The following TRIM9 variants were observed in gnomAD, a reference collection of about 807,000 sequenced individuals.
TRIM9 encodes tripartite motif containing 9.
In TRIM9, 26 loss-of-function variants were observed where a neutral mutation model predicts 78.3. The observed-to-expected ratio is 0.33, with a 90% confidence interval of 0.24 to 0.46. The LOEUF (loss-of-function observed/expected upper bound fraction) is 0.46, where lower values mean the gene tolerates loss of function less well. TRIM9 is among the 20% of genes least tolerant of loss of function. The pLI, the probability that TRIM9 is intolerant of heterozygous loss-of-function variation, is 1.00. For missense variants in TRIM9, 787 were observed against 1,036.4 expected (o/e 0.76, Z 3.30); for synonymous variants, 398 against 416.5 (o/e 0.96, Z 0.54).
chr14:51,008,622 T>A (rs1381201068), intron 5 of TRIM9, among the ~76,000 whole-genome samples: 2 of 152,248 alleles, frequency 1.3e-5, no homozygotes, highest in East Asian at 3.8e-4. Flanking sequence ...CTTGCATTTT[T>A]CTGCCAGTAT....
chr14:51,000,970 C>G (rs938243478), intron 5 of TRIM9, 130 bp from the exon 6 acceptor site: 6 of 1,069,312 alleles, frequency 5.6e-6, no homozygotes, highest in Middle Eastern at 2.8e-4. Flanking sequence ...GGGAACTGAA[C>G]AGGATCCTTC....
chr14:51,072,858 T>C (rs552824244), intron 1 of TRIM9, among the ~76,000 whole-genome samples: 1 of 152,328 alleles, frequency 6.6e-6, no homozygotes, highest in African/African-American at 2.4e-5. Flanking sequence ...ATGTACCGTG[T>C]AGGAGATGAT....
intron 1 of TRIM9, among the ~76,000 whole-genome samples, chr14:51,083,913 T>C (rs2063533686): frequency 6.6e-6 from 1 of 152,200 alleles, no homozygotes; most frequent in South Asian, 2.1e-4. Context: ...GCTATATGAT[T>C]CTAGGCCATC....
chr14:50,977,378 G>C (rs1294460699), intron 12 of TRIM9, 25 bp from the exon 13 acceptor site: 7 of 1,498,314 alleles, frequency 4.7e-6, no homozygotes, highest in Non-Finnish European at 8.9e-7. Flanking sequence ...TGTGAGTCCT[G>C]AGAGGCATCG....
intron 3 of TRIM9, among the ~76,000 whole-genome samples, chr14:51,015,505 CTTTTTTTTTTTTT>C (rs369652663): frequency 4.4e-4 from 27 of 61,330 alleles, no homozygotes; most frequent in African/African-American, 1.5e-3. Flanking sequence ...CTTTACTTTT[CTTTTTTTTTTTTT>C]TTTTTTTTTT....
chr14:51,060,434 T>G (rs768528776), intron 1 of TRIM9, among the ~76,000 whole-genome samples: 1 of 152,188 alleles, frequency 6.6e-6, no homozygotes, highest in Non-Finnish European at 1.5e-5. Context: ...CATAATGTAT[T>G]TGAGACTCAT....
At chr14:51,077,939 C>G (rs906901332) in intron 1 of TRIM9, among the ~76,000 whole-genome samples, 1 of 152,190 alleles carries the variant, frequency 6.6e-6, no homozygotes, top group Non-Finnish European at 1.5e-5. Flanking sequence ...CATATAAAAG[C>G]GTTTTGGTTA....
At chr14:51,054,423 C>G (rs2060718129) in intron 1 of TRIM9, among the ~76,000 whole-genome samples, 1 of 140,184 alleles carries the variant, frequency 7.1e-6, no homozygotes, top group South Asian at 2.5e-4. Context: ...CAGGCGTAGG[C>G]CACCATGCCC....
In TRIM9 at chr14:51,094,379, G is replaced by A; in HGVS notation, c.561C>T (p.Val187=). Residue 187 remains valine (V), a synonymous_variant, in exon 1 of 13, where the codon GTC becomes GTT. Coordinates refer to ENST00000684578, the MANE Select transcript of TRIM9 (RefSeq NM_001387360.1). ...EATVMCEQCD[V]FYCDPCRLRC... is the part of the protein sequence containing the mutation. The stretch of plus-strand genomic sequence containing the variant: ...GCAGGCGGCACGGATCGCAGTAGAA[G>A]ACATCGCACTGTTCGCACATGACGG... 1 of 1,613,866 alleles carries A rather than the reference G, an allele frequency of 6.2e-7. No homozygotes were observed. Among genetic ancestry groups the A allele is most frequent in the Non-Finnish European group, 8.5e-7 (1 of 1,179,980 alleles).
intron 1 of TRIM9, among the ~76,000 whole-genome samples, chr14:51,077,379 C>T (rs911095108): frequency 2.9e-5 from 4 of 137,240 alleles, no homozygotes; most frequent in African/African-American, 1.1e-4. Context: ...GTCTCATCTC[C>T]AATTCTGTTT....
At chr14:51,078,349 T>A (rs1341897575) in intron 1 of TRIM9, among the ~76,000 whole-genome samples, 1 of 152,238 alleles carries the variant, frequency 6.6e-6, no homozygotes, top group African/African-American at 2.4e-5. Context: ...ATACAAATTT[T>A]ATAGTAACCT....
rs2062604108 is a variant in TRIM9 at position 51,074,735 on chromosome 14, C to A, written c.822+19383G>T. Among the ~76,000 whole-genome samples, 3 of 152,206 alleles carry A rather than the reference C, an allele frequency of 2.0e-5. No individual in the cohort carries two copies. The South Asian group carries it at 6.2e-4, about 31-fold the overall frequency. ...TTCCGCCCAGGATAAGGGGGCAGAGCTCAAAGCTGGTCAGTGTGTGTTCTC... is the reference window on the plus strand; with the variant it reads ...TTCCGCCCAGGATAAGGGGGCAGAGATCAAAGCTGGTCAGTGTGTGTTCTC... On this transcript the variant is annotated intron_variant, in intron 1 of 12. Coordinates refer to ENST00000684578, the MANE Select transcript of TRIM9 (RefSeq NM_001387360.1).
intron 1 of TRIM9, among the ~76,000 whole-genome samples, chr14:51,036,901 C>G (rs186342879): frequency 1.1e-4 from 17 of 152,286 alleles, no homozygotes; most frequent in Non-Finnish European, 2.5e-4. Context: ...TGGCTTTATT[C>G]CATCCATATT....
At chr14:51,050,699 A>G (rs1040254177) in intron 1 of TRIM9, among the ~76,000 whole-genome samples, 3 of 152,140 alleles carry the variant, frequency 2.0e-5, no homozygotes, top group Non-Finnish European at 4.4e-5. Context: ...TAACAAGAAT[A>G]CAGCTTCTGG....
chr14:51,079,783 C>T (rs1281163922), intron 1 of TRIM9, among the ~76,000 whole-genome samples: 7 of 152,080 alleles, frequency 4.6e-5, no homozygotes, highest in South Asian at 4.2e-4. Context: ...TTGTGGTCAA[C>T]GACCTAGAGC....
At chr14:51,014,727 T>C (rs982081458) in intron 3 of TRIM9, among the ~76,000 whole-genome samples, 3 of 152,216 alleles carry the variant, frequency 2.0e-5, no homozygotes, top group Non-Finnish European at 4.4e-5. Context: ...CATTTTGTGA[T>C]CATTTATTTC....
chr14:51,050,668 G>A (rs982281834), intron 1 of TRIM9, among the ~76,000 whole-genome samples: 1 of 152,144 alleles, frequency 6.6e-6, no homozygotes, highest in Non-Finnish European at 1.5e-5. Context: ...ATGATCCTAT[G>A]TGCCTTCTGA....
chr14:51,030,973 CT>C (rs1166174644), intron 1 of TRIM9, among the ~76,000 whole-genome samples: 3 of 151,870 alleles, frequency 2.0e-5, no homozygotes, highest in African/African-American at 7.3e-5. Context: ...ATGGTGAAAC[CT>C]TGTCTCTACT....
intron 1 of TRIM9, among the ~76,000 whole-genome samples, chr14:51,059,502 A>AAACAC (rs1190874504): frequency 6.6e-6 from 1 of 152,164 alleles, no homozygotes; most frequent in East Asian, 1.9e-4. Context: ...AAACAAAACA[A>AAACAC]AACAAAAACC....
Sources: allele counts gnomAD v4.1 joint callset (sites outside exome capture counted in the v4.1 genomes callset), GRCh38; gene constraint gnomAD v4.1.1; transcripts MANE v1.5; gene names NCBI Gene and HGNC (gene_info 2026-07-23, HGNC 2026-07-21).